Variants in B4GALNT4 observed in about 807,000 individuals in gnomAD.
The protein encoded by B4GALNT4 is N-acetyl-beta-glucosaminyl-glycoprotein 4-beta-N-acetylgalactosaminyltransferase 1.
B4GALNT4 carries 77 observed loss-of-function variants against 110.0 expected under a neutral mutation model. That is an observed-to-expected ratio of 0.70 (90% CI 0.58 to 0.85). The LOEUF (loss-of-function observed/expected upper bound fraction) is 0.85. B4GALNT4 is among the 40% of genes least tolerant of loss of function. B4GALNT4 has a pLI of 0.00. For missense variants in B4GALNT4, 1,575 were observed against 1,506.0 expected, an observed-to-expected ratio of 1.05 and a Z score of -0.76; for synonymous variants, 785 against 655.5, an observed-to-expected ratio of 1.20 and a Z score of -3.02.
At chr11:378,971 G>A (rs990096423) in intron 14 of B4GALNT4, among the ~76,000 whole-genome samples, 1 of 152,156 alleles carries the variant, frequency 6.6e-6, no homozygotes, top group African/African-American at 2.4e-5. Flanking sequence ...TGTGCCTGAG[G>A]AGGAGTCTGC....
intron 6 of B4GALNT4, 46 bp from the exon 7 acceptor site, chr11:373,403 A>AAT: frequency 1.6e-6 from 2 of 1,259,482 alleles, no homozygotes; most frequent in Non-Finnish European, 2.2e-6. Context: ...CCAGGGAGAG[A>AAT]GTGAACCCCC....
rs199538924 is a variant in B4GALNT4, at chr11:376,688, C to A, written c.1565C>A (p.Pro522His). 1.2e-4 allele frequency: 168 copies of A among 1,428,218 alleles called. 1 individual carries two copies. The African/African-American group carries it at 2.2e-3, about 19-fold the overall frequency. The allele number at this position is 1,428,218 out of a possible 1,614,324, so 88.5% of individuals were successfully genotyped here. A position where few individuals can be genotyped will look rare whatever the true frequency, so the allele number is the denominator to read the frequency against. Residue 522 changes from proline (P) to histidine (H), a missense_variant, in exon 14 of 20, where the codon CCC (proline) becomes CAC (histidine). Coordinates refer to ENST00000329962, the MANE Select transcript of B4GALNT4 (RefSeq NM_178537.5). ...PPPRPAVEQP[P>H]PKVYVTRVRP... Reference sequence around the variant, plus strand: ...CCGCGCCCTGCAGTGGAGCAGCCGCCCCCAAAGGTGTACGTGACCAGGGTG... The same window carrying A: ...CCGCGCCCTGCAGTGGAGCAGCCGCACCCAAAGGTGTACGTGACCAGGGTG...
chr11:370,592 G>A (rs1482950185), intron 1 of B4GALNT4, among the ~76,000 whole-genome samples: 2 of 152,188 alleles, frequency 1.3e-5, no homozygotes. Context: ...CCGGGGTAGG[G>A]CCTCCTGGAG....
At chr11:373,681 GC>G (rs1173152232) in intron 7 of B4GALNT4, 68 bp from the exon 8 acceptor site, 5 of 1,563,822 alleles carry the variant, frequency 3.2e-6, no homozygotes, top group Non-Finnish European at 3.5e-6. Flanking sequence ...GGAGCCACCT[GC>G]CCCCTTCCCT....
chr11:380,661 C>T (rs763918204), intron 18 of B4GALNT4, 164 bp from the exon 19 acceptor site: 4 of 1,320,574 alleles, frequency 3.0e-6, no homozygotes, highest in African/African-American at 1.5e-5. Flanking sequence ...GTTTATGCAC[C>T]GCGCTCCAGG....
chr11:371,441 C>T (rs1846617393), intron 1 of B4GALNT4, among the ~76,000 whole-genome samples: 1 of 152,186 alleles, frequency 6.6e-6, no homozygotes, highest in African/African-American at 2.4e-5. Flanking sequence ...CCCACTGCAG[C>T]CCCAGGGGGT....
intron 8 of B4GALNT4, 23 bp downstream of exon 8, chr11:373,851 G>A (rs372924930): frequency 6.2e-7 from 1 of 1,608,796 alleles, no homozygotes; most frequent in Non-Finnish European, 8.5e-7. Flanking sequence ...CTCCCCTGGG[G>A]GCTTCTGGAG....
rs773729705 is a variant in B4GALNT4, at chr11:376,719, G to A, written c.1596G>A (p.Pro532=). The change falls in exon 14 of 20, where the codon CCG becomes CCA. Residue 532 remains proline (P), a synonymous_variant. Transcript: ENST00000329962. ...AGGTGTACGTGACCAGGGTGCGGCCGGGACAGCGGGCATCCCCCCGGGCCC... is the reference window on the plus strand; with the variant it reads ...AGGTGTACGTGACCAGGGTGCGGCCAGGACAGCGGGCATCCCCCCGGGCCC... The part of the protein sequence containing the change: ...PPKVYVTRVR[P]GQRASPRAPA... The A allele has an allele frequency of 1.4e-5, 19 of 1,404,182 alleles. No individual in the cohort carries two copies. The highest frequency in any genetic ancestry group is 1.6e-5 in the Non-Finnish European group (17 of 1,085,204). The allele number at this position is 1,404,182 out of a possible 1,614,324, so 87.0% of individuals were successfully genotyped here.
At chr11:380,626 C>A in intron 18 of B4GALNT4, 181 bp downstream of exon 18, 1 of 1,248,900 alleles carries the variant, frequency 8.0e-7, no homozygotes, top group Non-Finnish European at 1.1e-6. Flanking sequence ...GCCAGGGGCC[C>A]CAGGAACCTC....
rs528399992 is a variant in B4GALNT4 at position 372,081 on chromosome 11, C to A, written c.152-28C>A. 2.9e-4 allele frequency: 453 copies of A among 1,535,782 alleles called. 4 individuals are homozygous for A. The South Asian group carries it at 5.1e-3, about 17-fold the overall frequency. ...AATGGCCTTGGAGAGAGCCTGGGCCCGAGACAGGCCTCATGTGCCACCTGC... is the reference window on the plus strand; with the variant it reads ...AATGGCCTTGGAGAGAGCCTGGGCCAGAGACAGGCCTCATGTGCCACCTGC... On this transcript the variant is annotated intron_variant, in intron 1 of 19. Transcript: ENST00000329962.
Position 376,932 on chromosome 11 carries a change from G to A in B4GALNT4, c.1809G>A (p.Gln603=). ...CCACCCAAGGGGGCCGGGAGGGCCA[G>A]GCGCGCACGCTGGGACCTGCGGCGC... is the stretch of plus-strand genomic sequence containing the variant. ...AQATQGGREG[Q]ARTLGPAAPT... Residue 603 remains glutamine (Q), a synonymous_variant, in exon 14 of 20, where the codon CAG becomes CAA. Transcript: ENST00000329962. The A allele has an allele frequency of 7.0e-7, 1 of 1,424,148 alleles. No individual in the cohort carries two copies. Among genetic ancestry groups the A allele is most frequent in the South Asian group, 1.5e-5 (1 of 65,998 alleles). The allele number at this position is 1,424,148 out of a possible 1,614,324, so 88.2% of individuals were successfully genotyped here. A position where few individuals can be genotyped will look rare whatever the true frequency, so the allele number is the denominator to read the frequency against.
intron 6 of B4GALNT4, 53 bp downstream of exon 6, chr11:373,344 C>T (rs1846655523): frequency 6.3e-7 from 1 of 1,582,654 alleles, no homozygotes; most frequent in Non-Finnish European, 8.6e-7. Flanking sequence ...GCTCAGTCAC[C>T]TGTGCCCACC....
rs557440887 is a variant in B4GALNT4 at position 375,648 on chromosome 11, C to T, written c.860C>T (p.Ala287Val). The T allele has an allele frequency of 1.3e-6, 2 of 1,591,960 alleles. No individual in the cohort carries two copies. The highest frequency in any genetic ancestry group is 4.5e-5 in the East Asian group (2 of 44,632). The change falls in exon 10 of 20, where the codon GCC (alanine) becomes GTC (valine). Residue 287 changes from alanine (A) to valine (V), a missense_variant. Physicochemically the swap from Ala to Val is moderately conservative, Grantham distance 64. Transcript: ENST00000329962. The part of the protein sequence containing the change: ...AHISLYTDES[A>V]LKMDHVAHVP... The stretch of plus-strand genomic sequence containing the variant: ...ACTCTTCTGCCCCCAGATGAGTCAG[C>T]CTTGAAGATGGACCACGTGGCGCAC...
intron 19 of B4GALNT4, 106 bp downstream of exon 19, chr11:381,057 G>C: frequency 7.3e-6 from 11 of 1,501,256 alleles, no homozygotes; most frequent in Non-Finnish European, 9.8e-6. Flanking sequence ...CATGCTGAGA[G>C]AACTCTGCCC....
Position 369,685 on chromosome 11 carries a change from T to A in B4GALNT4, c.-119T>A. 4.5e-6 allele frequency: 2 copies of A among 443,116 alleles called. No individual in the cohort carries two copies. The highest frequency in any genetic ancestry group is 2.9e-6 in the Non-Finnish European group (1 of 341,374). The allele number at this position is 443,116 out of a possible 1,614,324, so 27.4% of individuals were successfully genotyped here. The stretch of plus-strand genomic sequence containing the variant: ...GCCGCGCACGGCGGACAAAGGACCA[T>A]GCGGGGCCGCGGGCGCTGAGCGCGG... On this transcript the variant is annotated 5_prime_UTR_variant, in exon 1 of 20. The change abolishes an upstream ATG in the 5' untranslated region. Transcript: ENST00000329962.
chr11:380,468 C>A, intron 18 of B4GALNT4, 23 bp downstream of exon 18: 1 of 1,567,388 alleles, frequency 6.4e-7, no homozygotes, highest in Admixed American at 1.9e-5. Context: ...GCGTCCCACC[C>A]TGTGATACCA....
chr11:369,994 C>CGGCGTGGGG (rs1846582448), intron 1 of B4GALNT4, 40 bp downstream of exon 1: 26 of 61,586 alleles, frequency 4.2e-4, no homozygotes, highest in Admixed American at 1.3e-3. Context: ...GGGGCGGGGG[C>CGGCGTGGGG]GGCGCGGGGG....
chr11:376,111 G>T lies in B4GALNT4; in HGVS notation c.1133G>T (p.Arg378Leu). 1 of 1,485,914 alleles carries T rather than the reference G, an allele frequency of 6.7e-7. No homozygotes were observed. Among genetic ancestry groups the T allele is most frequent in the Non-Finnish European group, 9.1e-7 (1 of 1,104,446 alleles). The allele number at this position is 1,485,914 out of a possible 1,614,324, so 92.0% of individuals were successfully genotyped here. ...LSFVYPNDYT[R>L]LTHMETDNKC... ...TTCGTTTATCCCAACGACTACACTC[G>T]CCTCACCCACATGGAGACGGACAAC... The change falls in exon 12 of 20, where the codon CGC (arginine) becomes CTC (leucine). Residue 378 changes from arginine (R) to leucine (L), a missense_variant. Transcript: ENST00000329962.
intron 10 of B4GALNT4, 36 bp downstream of exon 10, chr11:375,809 T>C (rs1846734429): frequency 1.9e-6 from 3 of 1,601,546 alleles, no homozygotes; most frequent in Middle Eastern, 3.3e-4. Context: ...AGGGCGGGGG[T>C]GCCTGCCCCA....
Sources: allele counts gnomAD v4.1 joint callset (sites outside exome capture counted in the v4.1 genomes callset), GRCh38; gene constraint gnomAD v4.1.1; transcripts MANE v1.5; gene names NCBI Gene and HGNC (gene_info 2026-07-23, HGNC 2026-07-21).